Variants in LRP1B observed in about 807,000 individuals in gnomAD.
The protein encoded by LRP1B is low-density lipoprotein receptor-related protein 1B.
A neutral mutation model predicts 556.6 loss-of-function variants in LRP1B; 217 were observed. That is an observed-to-expected ratio of 0.39 (90% confidence interval 0.35 to 0.44). The LOEUF is 0.44. LRP1B is among the 20% of genes least tolerant of loss of function. LRP1B has a pLI of 1.00. For synonymous variants in LRP1B, 2,047 were observed against 1,865.8 expected, an observed-to-expected ratio of 1.10 and a Z score of -2.50; for missense variants, 5,053 against 5,620.8, an observed-to-expected ratio of 0.90 and a Z score of 3.23.
chr2:141,627,360 A>G (rs1574159794), intron 2 of LRP1B, among the ~76,000 whole-genome samples: 1 of 152,326 alleles, frequency 6.6e-6, no homozygotes, highest in Admixed American at 6.5e-5. Context: ...ATCACAGTGG[A>G]AGATAATATC....
intron 2 of LRP1B, among the ~76,000 whole-genome samples, chr2:141,758,616 A>G (rs1694408822): frequency 6.6e-6 from 1 of 152,086 alleles, no homozygotes; most frequent in Non-Finnish European, 1.5e-5. Flanking sequence ...ATTTACTTAG[A>G]GTATTGATTG....
intron 32 of LRP1B, among the ~76,000 whole-genome samples, chr2:140,789,548 T>C (rs1690032819): frequency 6.6e-6 from 1 of 151,910 alleles, no homozygotes; most frequent in African/African-American, 2.4e-5. Flanking sequence ...TCCTCCTCTT[T>C]TCTGAATGAA....
intron 2 of LRP1B, among the ~76,000 whole-genome samples, chr2:141,605,285 T>C (rs969020732): frequency 2.0e-5 from 3 of 152,088 alleles, no homozygotes; most frequent in East Asian, 1.9e-4. Context: ...AGAATATTGA[T>C]TGGGGACATA....
At chr2:140,731,635 G>T (rs1165437124) in intron 35 of LRP1B, among the ~76,000 whole-genome samples, 2 of 151,904 alleles carry the variant, frequency 1.3e-5, no homozygotes, top group Non-Finnish European at 2.9e-5. Flanking sequence ...GGGCGTGGTG[G>T]CCCGTGCCTG....
chr2:142,109,840 G>GT (rs1343341455), intron 1 of LRP1B, among the ~76,000 whole-genome samples: 5 of 152,086 alleles, frequency 3.3e-5, no homozygotes, highest in African/African-American at 1.2e-4. Flanking sequence ...TTAAACGGGA[G>GT]TTTTTCCCAA....
At chr2:141,051,324 A>C (rs1699029680) in intron 10 of LRP1B, among the ~76,000 whole-genome samples, 1 of 152,102 alleles carries the variant, frequency 6.6e-6, no homozygotes, top group Non-Finnish European at 1.5e-5. Flanking sequence ...AGATACATGC[A>C]CATGTATGCT....
At chr2:141,212,258 T>TCTTTC (rs1342791309) in intron 6 of LRP1B, among the ~76,000 whole-genome samples, 24 of 24,620 alleles carry the variant, frequency 9.7e-4, no homozygotes, top group African/African-American at 3.0e-3. Context: ...GATTTTTTTT[T>TCTTTC]TTTTTTTTTT....
rs189878150 is a variant in LRP1B, at chr2:141,673,192, C to G, written c.205+137087G>C. 4.6e-5 allele frequency among the ~76,000 whole-genome samples: 7 copies of G among 152,304 alleles called. No individual in the cohort carries two copies. In the East Asian group the frequency reaches 1.2e-3, roughly 25 times the overall value. Reference sequence around the variant, plus strand: ...ATCCATTCTTCCCTATAAACAGAGTCTCTTCCACAATCCTGAAAGCAGTTG... The same window carrying G: ...ATCCATTCTTCCCTATAAACAGAGTGTCTTCCACAATCCTGAAAGCAGTTG... On this transcript the variant is annotated intron_variant, in intron 2 of 90. Transcript: ENST00000389484.
intron 7 of LRP1B, among the ~76,000 whole-genome samples, chr2:141,130,667 A>G (rs1701327482): frequency 6.6e-6 from 1 of 152,164 alleles, no homozygotes; most frequent in African/African-American, 2.4e-5. Flanking sequence ...AAAAGAAAAG[A>G]TATAATTTAA....
chr2:141,659,213 T>C (rs1201160097), intron 2 of LRP1B, among the ~76,000 whole-genome samples: 1 of 152,124 alleles, frequency 6.6e-6, no homozygotes, highest in Non-Finnish European at 1.5e-5. Context: ...ATATGACTAT[T>C]TATGCGAGAG....
Position 141,570,067 on chromosome 2 carries a change from T to C in LRP1B, c.206-89534A>G, listed in dbSNP as rs1435084070. On this transcript the variant is annotated intron_variant, in intron 2 of 90. Coordinates refer to ENST00000389484, the MANE Select transcript of LRP1B (RefSeq NM_018557.3). ...GTGCAATATAGCAAGACCCTGTCTCTAGAAAATATTTAAGGGGGTGGGGCC... is the reference window on the plus strand; with the variant it reads ...GTGCAATATAGCAAGACCCTGTCTCCAGAAAATATTTAAGGGGGTGGGGCC... 3.3e-5 allele frequency among the ~76,000 whole-genome samples: 5 copies of C among 150,954 alleles called. 1 individual carries two copies. The highest frequency in any genetic ancestry group is 1.2e-4 in the African/African-American group (5 of 41,306).
intron 7 of LRP1B, among the ~76,000 whole-genome samples, chr2:141,133,559 C>T (rs1339729062): frequency 6.6e-6 from 1 of 151,954 alleles, no homozygotes; most frequent in East Asian, 1.9e-4. Context: ...AGCTATAAAG[C>T]AGGCAGAACT....
intron 7 of LRP1B, among the ~76,000 whole-genome samples, chr2:141,151,424 T>C (rs144758676): frequency 6.6e-6 from 1 of 152,176 alleles, no homozygotes; most frequent in Non-Finnish European, 1.5e-5. Context: ...AACATTATAT[T>C]CATCAATATC....
At chr2:140,336,248 T>A (rs1423704116) in intron 77 of LRP1B, among the ~76,000 whole-genome samples, 3 of 152,036 alleles carry the variant, frequency 2.0e-5, no homozygotes, top group Non-Finnish European at 4.4e-5. Flanking sequence ...ATCATGACTA[T>A]GAAATGTATC....
chr2:141,929,599 T>C (rs1242651274), intron 1 of LRP1B, among the ~76,000 whole-genome samples: 1 of 152,072 alleles, frequency 6.6e-6, no homozygotes, highest in Non-Finnish European at 1.5e-5. Context: ...TCACGGTCTG[T>C]TGTAGTTTTA....
At chr2:141,066,812 T>A (rs564133478) in intron 7 of LRP1B, among the ~76,000 whole-genome samples, 13 of 152,002 alleles carry the variant, frequency 8.6e-5, no homozygotes, top group African/African-American at 3.1e-4. Flanking sequence ...TGAAGTGAAG[T>A]TAAAAAAACA....
At chr2:141,584,877 G>A (rs978536731) in intron 2 of LRP1B, among the ~76,000 whole-genome samples, 1 of 152,162 alleles carries the variant, frequency 6.6e-6, no homozygotes, top group East Asian at 1.9e-4. Context: ...AATGGTGGTT[G>A]CCAGGGGCTG....
intron 2 of LRP1B, among the ~76,000 whole-genome samples, chr2:141,753,263 C>CATATATATAT (rs144027196): frequency 0.062 from 3,845 of 62,466 alleles, 752 homozygotes; most frequent in Non-Finnish European, 0.084. Context: ...TCTCTCTCTC[C>CATATATATAT]ATATATATAT....
intron 7 of LRP1B, among the ~76,000 whole-genome samples, chr2:141,139,359 T>C (rs1701574552): frequency 1.3e-5 from 2 of 151,890 alleles, no homozygotes; most frequent in Non-Finnish European, 2.9e-5. Context: ...ATAAACTTCA[T>C]CAAATATTAA....
Sources: gnomAD v4.1 joint callset for allele counts (sites outside exome capture counted in the v4.1 genomes callset) on GRCh38, gnomAD v4.1.1 for gene constraint, MANE v1.5 for transcripts, NCBI Gene and HGNC (gene_info 2026-07-23, HGNC 2026-07-21) for gene names.